The following MED12L variants were observed in gnomAD, a reference collection of about 807,000 sequenced individuals.
The protein encoded by MED12L is mediator of RNA polymerase II transcription subunit 12-like protein.
In MED12L, 60 loss-of-function variants were observed where a neutral mutation model predicts 281.3. That is an observed-to-expected ratio of 0.21 (90% CI 0.17 to 0.26). The LOEUF (loss-of-function observed/expected upper bound fraction) is 0.26. Among genes scored for constraint, MED12L ranks in the 10% least tolerant of loss-of-function variants. The probability of loss-of-function intolerance (pLI) is 1.00; values close to 1 mark genes in which losing one functional copy is unlikely to be tolerated. For missense variants in MED12L, 2,146 were observed against 2,680.9 expected (o/e 0.80, Z 4.41); for synonymous variants, 974 against 987.2 (o/e 0.99, Z 0.25).
At chr3:151,322,912 A>G (rs1437958858) in intron 16 of MED12L, among the ~76,000 whole-genome samples, 2 of 151,664 alleles carry the variant, frequency 1.3e-5, no homozygotes, top group East Asian at 3.9e-4. Flanking sequence ...TCTTAGTCCT[A>G]TTTTTGGAGC....
chr3:151,098,178 T>C (rs1392884794), intron 2 of MED12L, among the ~76,000 whole-genome samples: 1 of 152,172 alleles, frequency 6.6e-6, no homozygotes, highest in African/African-American at 2.4e-5. Flanking sequence ...TTGGGTATTA[T>C]GGTGGAGGAA....
intron 16 of MED12L, chr3:151,214,029 G>A: frequency 6.2e-7 from 1 of 1,614,116 alleles, no homozygotes; most frequent in Non-Finnish European, 8.5e-7. Context: ...GCACGGCAGA[G>A]ACCCTGCACA....
chr3:151,098,515 C>T (rs1009242463), intron 2 of MED12L, among the ~76,000 whole-genome samples: 23 of 152,172 alleles, frequency 1.5e-4, no homozygotes, highest in African/African-American at 5.3e-4. Context: ...CCTGTGGTGG[C>T]TCCAGGTGTT....
At position 151,344,263 on chromosome 3, in the gene MED12L, T is replaced by C. The variant is rs529542834; in HGVS notation, c.2251-5796T>C. On this transcript the variant is annotated intron_variant, in intron 16 of 44. Transcript: ENST00000687756. Reference sequence around the variant, plus strand: ...GTAGTTAAATCCGCCTCCTATTTTCTTGATTTACAGAAAATATACTCTATG... The same window carrying C: ...GTAGTTAAATCCGCCTCCTATTTTCCTGATTTACAGAAAATATACTCTATG... Among the ~76,000 whole-genome samples, 150 of 151,426 alleles carry C rather than the reference T, an allele frequency of 9.9e-4. 1 individual carries two copies. The highest frequency in any genetic ancestry group is 5.4e-3 in the Admixed American group (81 of 15,126).
chr3:151,430,928 G>C (rs759825410), intron 44 of MED12L, among the ~76,000 whole-genome samples: 76 of 151,346 alleles, frequency 5.0e-4, no homozygotes, highest in Middle Eastern at 6.8e-3. Context: ...TGTAGTGCTG[G>C]TGTGGTGTTT....
intron 16 of MED12L, among the ~76,000 whole-genome samples, chr3:151,347,828 T>G (rs1752716001): frequency 6.6e-6 from 1 of 152,200 alleles, no homozygotes. Context: ...ACCCCATTTT[T>G]CAGAGGAAGA....
intron 28 of MED12L, 120 bp from the exon 29 acceptor site, chr3:151,376,680 A>G: frequency 1.2e-6 from 1 of 820,652 alleles, no homozygotes; most frequent in Non-Finnish European, 2.0e-6. Context: ...TGACTCATAT[A>G]AATTATTTCA....
intron 43 of MED12L, among the ~76,000 whole-genome samples, chr3:151,416,786 C>T (rs1011294557): frequency 1.3e-5 from 2 of 152,136 alleles, no homozygotes; most frequent in Admixed American, 6.5e-5. Flanking sequence ...ACTATAATCT[C>T]AAAAACCATG....
At chr3:151,275,272 A>G (rs1336877994) in intron 16 of MED12L, among the ~76,000 whole-genome samples, 1 of 152,164 alleles carries the variant, frequency 6.6e-6, no homozygotes, top group Non-Finnish European at 1.5e-5. Context: ...TCAGAAGCCA[A>G]CTAACTGATC....
intron 39 of MED12L, among the ~76,000 whole-genome samples, chr3:151,407,613 A>G (rs979196438): frequency 3.3e-5 from 5 of 152,166 alleles, no homozygotes; most frequent in African/African-American, 1.2e-4. Context: ...TGATGGTCAT[A>G]CTGTCATGGT....
chr3:151,385,017 C>CT lies in MED12L; in HGVS notation c.4927-7dup, dbSNP rs755838465. ...CCCACTTCTCACTCTCTCTCTCTCT[C>CT]TTTTTTCTTTAGAAAGAGCTAGGAG... On this transcript the variant is annotated splice_polypyrimidine_tract_variant and intron_variant, in intron 35 of 44. Coordinates refer to ENST00000687756, the MANE Select transcript of MED12L (RefSeq NM_001393769.1). The CT allele has an allele frequency of 1.8e-5, 24 of 1,324,542 alleles. No individual in the cohort carries two copies. In the Middle Eastern group the frequency reaches 1.5e-3, roughly 81 times the overall value. The allele number at this position is 1,324,542 out of a possible 1,614,324, so 82.0% of individuals were successfully genotyped here. A position where few individuals can be genotyped will look rare whatever the true frequency, so the allele number is the denominator to read the frequency against.
intron 7 of MED12L, 131 bp from the exon 8 acceptor site, chr3:151,159,701 T>C: frequency 1.2e-6 from 1 of 809,246 alleles, no homozygotes; most frequent in Non-Finnish European, 1.9e-6. Context: ...TCTATTTCTA[T>C]TGGACAGCAC....
chr3:151,319,137 G>A (rs1204374953), intron 16 of MED12L, among the ~76,000 whole-genome samples: 1 of 152,090 alleles, frequency 6.6e-6, no homozygotes, highest in African/African-American at 2.4e-5. Context: ...GTGAAAGCTG[G>A]TCTTACCTAA....
At chr3:151,134,938 TG>T (rs11314753) in intron 5 of MED12L, among the ~76,000 whole-genome samples, 45,770 of 151,940 alleles carry the variant, frequency 0.3, 8,834 homozygotes, top group African/African-American at 0.55. Flanking sequence ...TGAAAAGCCA[TG>T]GAAGGGTTTA....
At chr3:151,131,969 A>T (rs532612309) in intron 5 of MED12L, among the ~76,000 whole-genome samples, 1 of 152,196 alleles carries the variant, frequency 6.6e-6, no homozygotes, top group Non-Finnish European at 1.5e-5. Flanking sequence ...GCCAGATAAC[A>T]TACGATTCTG....
chr3:151,346,829 A>G (rs1752606292), intron 16 of MED12L, among the ~76,000 whole-genome samples: 1 of 152,088 alleles, frequency 6.6e-6, no homozygotes, highest in Non-Finnish European at 1.5e-5. Context: ...ATATCAAACC[A>G]ATTACTGGAC....
chr3:151,336,464 A>G lies in MED12L; in HGVS notation c.2251-13595A>G, dbSNP rs762578965. ...TTATTATTAAAGTTCAGTGAACTTTATACAACAATACACCCTTTTATTTCT... is the reference window on the plus strand; with the variant it reads ...TTATTATTAAAGTTCAGTGAACTTTGTACAACAATACACCCTTTTATTTCT... On this transcript the variant is annotated intron_variant, in intron 16 of 44. Transcript: ENST00000687756. 2.1e-4 allele frequency: 94 copies of G among 454,494 alleles called. 2 individuals are homozygous for G. The highest frequency in any genetic ancestry group is 1.4e-3 in the South Asian group (92 of 63,982). The allele number at this position is 454,494 out of a possible 1,614,324, so 28.2% of individuals were successfully genotyped here. A position where few individuals can be genotyped will look rare whatever the true frequency, so the allele number is the denominator to read the frequency against.
intron 29 of MED12L, 55 bp from the exon 30 acceptor site, chr3:151,376,936 T>A (rs1756925838): frequency 1.9e-6 from 3 of 1,610,628 alleles, no homozygotes; most frequent in Non-Finnish European, 2.5e-6. Flanking sequence ...AACACGTTGA[T>A]GTTTGAGGAT....
rs544673167 is a variant in MED12L at position 151,188,858 on chromosome 3, C to G, written c.1753+378C>G. Among the ~76,000 whole-genome samples, 23 of 152,264 alleles carry G rather than the reference C, an allele frequency of 1.5e-4. No homozygotes were observed. In the South Asian group the frequency reaches 4.1e-3, roughly 27 times the overall value. On this transcript the variant is annotated intron_variant, in intron 13 of 44. Coordinates refer to ENST00000687756, the MANE Select transcript of MED12L (RefSeq NM_001393769.1). ...TAGGGGGGAATCAAGCAACAGTACT[C>G]TATAGCCAGAGGCATGGTACAAGGA... is the stretch of plus-strand genomic sequence containing the variant.
Sources: gnomAD v4.1 joint callset for allele counts (sites outside exome capture counted in the v4.1 genomes callset) on GRCh38, gnomAD v4.1.1 for gene constraint, MANE v1.5 for transcripts, NCBI Gene and HGNC (gene_info 2026-07-23, HGNC 2026-07-21) for gene names.